ROBO1: variants seen among roughly 807,000 people sequenced by gnomAD.
ROBO1 encodes roundabout homolog 1.
A neutral mutation model predicts 195.9 loss-of-function variants in ROBO1; 149 were observed. That is an observed-to-expected ratio of 0.76 (90% CI 0.67 to 0.87). The LOEUF (loss-of-function observed/expected upper bound fraction) is 0.87, where lower values mean the gene tolerates loss of function less well. ROBO1 is among the 40% of genes least tolerant of loss of function. ROBO1 has a pLI of 0.00. For synonymous variants in ROBO1, 816 were observed against 733.2 expected (o/e 1.11, Z -1.82); for missense variants, 1,933 against 2,068.3 (o/e 0.93, Z 1.27).
chr3:79,667,613 T>C (rs1466019792), intron 1 of ROBO1, among the ~76,000 whole-genome samples: 1 of 151,714 alleles, frequency 6.6e-6, no homozygotes, highest in Admixed American at 6.6e-5. Flanking sequence ...ACCAGATAAA[T>C]GTGTGTTTTA....
At chr3:79,427,306 T>C (rs2038486397) in intron 2 of ROBO1, among the ~76,000 whole-genome samples, 1 of 152,164 alleles carries the variant, frequency 6.6e-6, no homozygotes, top group Non-Finnish European at 1.5e-5. Flanking sequence ...TATGTTCTGC[T>C]CAAGATGCCT....
intron 1 of ROBO1, among the ~76,000 whole-genome samples, chr3:79,602,986 T>C (rs907344286): frequency 1.3e-5 from 2 of 152,034 alleles, no homozygotes; most frequent in African/African-American, 2.4e-5. Context: ...CATCTTCAAA[T>C]GTATACACAC....
chr3:79,147,276 A>C (rs1358381369), intron 2 of ROBO1, among the ~76,000 whole-genome samples: 1 of 152,004 alleles, frequency 6.6e-6, no homozygotes. Context: ...ATACTTTGCC[A>C]ATCACAAAAT....
intron 1 of ROBO1, among the ~76,000 whole-genome samples, chr3:79,627,818 C>T (rs1460386818): frequency 2.0e-5 from 3 of 151,994 alleles, no homozygotes; most frequent in African/African-American, 4.8e-5. Flanking sequence ...AAAGCAACCC[C>T]ATCAAAAAAT....
At chr3:78,601,433 A>G (rs1208929123) in intron 29 of ROBO1, among the ~76,000 whole-genome samples, 1 of 152,038 alleles carries the variant, frequency 6.6e-6, no homozygotes, top group East Asian at 1.9e-4. Context: ...CCCCTAACCC[A>G]CAGTTCTGAC....
chr3:79,278,545 A>G (rs974916515), intron 2 of ROBO1, among the ~76,000 whole-genome samples: 1 of 152,198 alleles, frequency 6.6e-6, no homozygotes, highest in African/African-American at 2.4e-5. Flanking sequence ...AAAAATCTAC[A>G]GTGAACTAAT....
At chr3:78,631,687 G>A (rs1363162416) in intron 24 of ROBO1, among the ~76,000 whole-genome samples, 3 of 152,014 alleles carry the variant, frequency 2.0e-5, no homozygotes, top group East Asian at 1.9e-4. Flanking sequence ...ATACAGATAC[G>A]ATCTATTAGA....
intron 1 of ROBO1, among the ~76,000 whole-genome samples, chr3:79,711,675 G>T (rs1381750946): frequency 2.6e-5 from 4 of 151,690 alleles, no homozygotes; most frequent in African/African-American, 4.9e-5. Flanking sequence ...CACACACGCA[G>T]GCATGCCTTG....
intron 2 of ROBO1, among the ~76,000 whole-genome samples, chr3:79,402,144 A>C (rs1196465284): frequency 1.3e-5 from 2 of 151,918 alleles, no homozygotes; most frequent in Non-Finnish European, 2.9e-5. Context: ...TCATGGTATC[A>C]TATGATTTAT....
intron 1 of ROBO1, among the ~76,000 whole-genome samples, chr3:79,678,365 T>C (rs1290888635): frequency 6.6e-6 from 1 of 152,026 alleles, no homozygotes; most frequent in Non-Finnish European, 1.5e-5. Flanking sequence ...GAAATATTAC[T>C]ATTATATCGA....
chr3:78,766,637 A>G (rs1191731618), intron 4 of ROBO1, among the ~76,000 whole-genome samples: 1 of 152,162 alleles, frequency 6.6e-6, no homozygotes, highest in Non-Finnish European at 1.5e-5. Context: ...TGCTCTGGCT[A>G]GGACTTCCAG....
At chr3:79,717,229 A>G (rs1022103545) in intron 1 of ROBO1, among the ~76,000 whole-genome samples, 3 of 151,530 alleles carry the variant, frequency 2.0e-5, no homozygotes, top group Non-Finnish European at 2.9e-5. Flanking sequence ...CTGAATTTAG[A>G]GCTCAGAATA....
At position 78,932,741 on chromosome 3, in the gene ROBO1, G is replaced by A. The variant is rs187242941; in HGVS notation, c.499+5860C>T. 6.0e-3 allele frequency among the ~76,000 whole-genome samples: 915 copies of A among 152,070 alleles called. 4 individuals are homozygous for A. Among genetic ancestry groups the A allele is most frequent in the Non-Finnish European group, 8.9e-3 (605 of 67,938 alleles). On this transcript the variant is annotated intron_variant, in intron 4 of 30. Coordinates refer to ENST00000464233, the MANE Select transcript of ROBO1 (RefSeq NM_002941.4). ...GGATCGTTCTGTACATAATGTGCAG[G>A]AAAAAAAGACTAGACGGATACACAC... is the stretch of plus-strand genomic sequence containing the variant.
intron 4 of ROBO1, among the ~76,000 whole-genome samples, chr3:78,768,699 G>A (rs1217800758): frequency 2.7e-5 from 4 of 150,832 alleles, no homozygotes; most frequent in African/African-American, 9.8e-5. Context: ...TGTGCACATT[G>A]TGCAGGTTAG....
At chr3:79,096,313 A>G (rs2079565452) in intron 3 of ROBO1, among the ~76,000 whole-genome samples, 1 of 151,992 alleles carries the variant, frequency 6.6e-6, no homozygotes, top group African/African-American at 2.4e-5. Flanking sequence ...ATAATCTCAG[A>G]AGATCTCTAG....
chr3:79,728,434 C>A lies in ROBO1; in HGVS notation c.-51+39318G>T, dbSNP rs1467209787. Among the ~76,000 whole-genome samples, 3 of 152,096 alleles carry A rather than the reference C, an allele frequency of 2.0e-5. No homozygotes were observed. The East Asian group carries it at 5.8e-4, about 29-fold the overall frequency. On this transcript the variant is annotated intron_variant, in intron 1 of 30. Coordinates refer to ENST00000464233, the MANE Select transcript of ROBO1 (RefSeq NM_002941.4). Reference sequence around the variant, plus strand: ...ATTAATTTCATCCCCTCTCATATTTCATCGATAACTCTTTGTTTTGTTATA... The same window carrying A: ...ATTAATTTCATCCCCTCTCATATTTAATCGATAACTCTTTGTTTTGTTATA...
intron 2 of ROBO1, among the ~76,000 whole-genome samples, chr3:79,465,782 T>C (rs1455853039): frequency 6.6e-6 from 1 of 152,142 alleles, no homozygotes. Flanking sequence ...TTTTCTTACA[T>C]GAGCAGGGTT....
chr3:79,087,410 T>C lies in ROBO1; in HGVS notation c.172+38046A>G, dbSNP rs898709238. 2.6e-5 allele frequency among the ~76,000 whole-genome samples: 4 copies of C among 152,084 alleles called. No homozygotes were observed. The South Asian group carries it at 6.2e-4, about 24-fold the overall frequency. ...AGGCAGGTTTCCAAACCTTTAATGA[T>C]GTGATTAGTAAAAGATGATACTCCT... On this transcript the variant is annotated intron_variant, in intron 3 of 30. Transcript: ENST00000464233.
intron 4 of ROBO1, among the ~76,000 whole-genome samples, chr3:78,752,296 A>G (rs2082817005): frequency 6.6e-6 from 1 of 152,194 alleles, no homozygotes; most frequent in South Asian, 2.1e-4. Flanking sequence ...CATTTAACAC[A>G]TCTGCACTGA....
Sources: gnomAD v4.1 joint callset for allele counts (sites outside exome capture counted in the v4.1 genomes callset) on GRCh38, gnomAD v4.1.1 for gene constraint, MANE v1.5 for transcripts, NCBI Gene and HGNC (gene_info 2026-07-23, HGNC 2026-07-21) for gene names.